The following STRIP1 variants were observed in gnomAD, a reference collection of about 807,000 sequenced individuals.
STRIP1 encodes the protein striatin interacting protein 1, also known as striatin-interacting protein 1.
In STRIP1, 63 loss-of-function variants were observed where a neutral mutation model predicts 106.2. That is an observed-to-expected ratio of 0.59 (90% confidence interval 0.48 to 0.73). The LOEUF (loss-of-function observed/expected upper bound fraction) is 0.73. Among genes scored for constraint, STRIP1 ranks in the 30% least tolerant of loss-of-function variants. The pLI, the probability that STRIP1 is intolerant of heterozygous loss-of-function variation, is 0.00. For synonymous variants in STRIP1, 390 were observed against 413.0 expected (o/e 0.94, Z 0.67); for missense variants, 857 against 1,074.8 (o/e 0.80, Z 2.83).
Position 110,054,035 on chromosome 1 carries a change from C to A in STRIP1, c.*123C>A. On this transcript the variant is annotated 3_prime_UTR_variant, in exon 21 of 21. Coordinates refer to ENST00000369795, the MANE Select transcript of STRIP1 (RefSeq NM_033088.4). ...AGGTGGCAGCACAGCCCCACTGTGT[C>A]TTCCGCAGTCTGTCCTGGGCTTGGG... The A allele has an allele frequency of 8.0e-7, 1 of 1,250,354 alleles. No individual in the cohort carries two copies. 77.5% of individuals were successfully genotyped at this position (1,250,354 alleles called of 1,614,324 possible).
chr1:110,035,878 A>G (rs559958571), intron 1 of STRIP1, among the ~76,000 whole-genome samples: 3 of 152,320 alleles, frequency 2.0e-5, no homozygotes, highest in East Asian at 3.9e-4. Context: ...CATGTCAACA[A>G]TTGGCAAGCC....
rs759371120 is a variant in STRIP1 at position 110,050,940 on chromosome 1, T to C, written c.1957-16T>C. The C allele has an allele frequency of 1.3e-6, 2 of 1,483,026 alleles. No homozygotes were observed. Among genetic ancestry groups the C allele is most frequent in the Non-Finnish European group, 1.9e-6 (2 of 1,060,598 alleles). The allele number at this position is 1,483,026 out of a possible 1,614,324, so 91.9% of individuals were successfully genotyped here. On this transcript the variant is annotated splice_polypyrimidine_tract_variant and intron_variant, in intron 18 of 20. Coordinates refer to ENST00000369795, the MANE Select transcript of STRIP1 (RefSeq NM_033088.4). ...TGCAGCCATGAGGGCTGATTGTTCC[T>C]GGGTTTACCCTGCAGGAAGCAGGTG... is the stretch of plus-strand genomic sequence containing the variant.
chr1:110,041,340 C>A lies in STRIP1; in HGVS notation c.651-196C>A, dbSNP rs183598173. 86 of 539,978 alleles carry A rather than the reference C, an allele frequency of 1.6e-4. 1 individual carries two copies. In the East Asian group the frequency reaches 2.7e-3, roughly 17 times the overall value. 33.4% of individuals were successfully genotyped at this position (539,978 alleles called of 1,614,324 possible). On this transcript the variant is annotated intron_variant, in intron 6 of 20. Coordinates refer to ENST00000369795, the MANE Select transcript of STRIP1 (RefSeq NM_033088.4). ...TGTTCTGCTTTGACCCTACAGCTCG[C>A]TACCACCTCTGTGGTTTTTTTCTTT...
In STRIP1 at chr1:110,044,922, T is replaced by A. The variant is rs1045036160; in HGVS notation, c.1352+17T>A. ...TCTAGGCAGGTGAGTAAAAGCCGAG[T>A]TCATTTTGCTGTTAGCTCTCCCGGC... is the stretch of plus-strand genomic sequence containing the variant. On this transcript the variant is annotated intron_variant, in intron 11 of 20. Transcript: ENST00000369795. 4 of 1,613,802 alleles carry A rather than the reference T, an allele frequency of 2.5e-6. No individual in the cohort carries two copies. The highest frequency in any genetic ancestry group is 1.7e-5 in the Admixed American group (1 of 59,972).
At position 110,043,681 on chromosome 1, in the gene STRIP1, G is replaced by C; in HGVS notation, c.1111G>C (p.Asp371His). 1 of 1,614,114 alleles carries C rather than the reference G, an allele frequency of 6.2e-7. No individual in the cohort carries two copies. The highest frequency in any genetic ancestry group is 8.5e-7 in the Non-Finnish European group (1 of 1,180,002). ...QDNLDAFNER[D>H]PYKADDSREE... ...CAACCTAGATGCCTTCAACGAGCGG[G>C]ATCCCTACAAGGCTGATGACTCTCG... is the stretch of plus-strand genomic sequence containing the variant. Residue 371 changes from aspartate (D) to histidine (H), a missense_variant, in exon 10 of 21, where the codon GAT (aspartate) becomes CAT (histidine). Physicochemically the swap from Asp to His is moderately conservative, Grantham distance 81. Transcript: ENST00000369795.
intron 1 of STRIP1, 128 bp from the exon 2 acceptor site, chr1:110,037,763 A>C: frequency 1.6e-6 from 1 of 635,014 alleles, no homozygotes; most frequent in Non-Finnish European, 2.8e-6. Flanking sequence ...GTTTTAGGAA[A>C]CAAAATGTGA....
chr1:110,034,163 G>C (rs1345864384), upstream of STRIP1, among the ~76,000 whole-genome samples: 3 of 152,200 alleles, frequency 2.0e-5, no homozygotes, highest in Admixed American at 6.5e-5. Flanking sequence ...TACCGTGACT[G>C]CAGACACTTG....
intron 1 of STRIP1, among the ~76,000 whole-genome samples, chr1:110,037,142 G>T (rs946626850): frequency 3.3e-5 from 5 of 152,122 alleles, no homozygotes; most frequent in Non-Finnish European, 5.9e-5. Flanking sequence ...GCCATTGTGG[G>T]TATGTTGTGT....
intron 5 of STRIP1, among the ~76,000 whole-genome samples, chr1:110,040,264 C>T (rs905760705): frequency 6.6e-6 from 1 of 152,138 alleles, no homozygotes; most frequent in Non-Finnish European, 1.5e-5. Context: ...TCATTGCAAC[C>T]TCCACCTCCC....
chr1:110,037,769 T>C, intron 1 of STRIP1, 122 bp from the exon 2 acceptor site: 2 of 660,698 alleles, frequency 3.0e-6, no homozygotes, highest in South Asian at 3.5e-5. Context: ...GGAAACAAAA[T>C]GTGAAAAAAC....
intron 15 of STRIP1, 54 bp downstream of exon 15, chr1:110,047,923 GCAAA>G: frequency 7.0e-7 from 1 of 1,425,720 alleles, no homozygotes; most frequent in Non-Finnish European, 9.7e-7. Context: ...ATGGAGAAGG[GCAAA>G]CATTTTCCTC....
At position 110,043,270 on chromosome 1, in the gene STRIP1, G is replaced by T. The variant is rs1205746094; in HGVS notation, c.1068G>T (p.Lys356Asn). The change falls in exon 9 of 21, where the codon AAG becomes AAT. Residue 356 changes from lysine to asparagine, a missense_variant and splice_region_variant. This residue lies in a region of STRIP1 where 750 missense variants were observed against 989.8 expected (regional missense o/e 0.76). Transcript: ENST00000369795. Reference sequence around the variant, plus strand: ...AGAAACGGGGCCGCCGAGAGCACAAGGTGAGGACGACAGAGGTCCCTGTGA... The same window carrying T: ...AGAAACGGGGCCGCCGAGAGCACAATGTGAGGACGACAGAGGTCCCTGTGA... Reference protein sequence around the residue: ...QQQKRGRREHKALIKQDNLDA... With the variant: ...QQQKRGRREHNALIKQDNLDA... 6.2e-7 allele frequency: 1 copy of T among 1,609,638 alleles called. No homozygotes were observed. The highest frequency in any genetic ancestry group is 8.5e-7 in the Non-Finnish European group (1 of 1,179,926).
chr1:110,042,674 CT>C (rs888374186), intron 8 of STRIP1, among the ~76,000 whole-genome samples: 1 of 152,184 alleles, frequency 6.6e-6, no homozygotes, highest in Non-Finnish European at 1.5e-5. Context: ...TTAGATGAAG[CT>C]TTTTTTCTTC....
In STRIP1 at chr1:110,047,545, G is replaced by A. The variant is rs1570925371; in HGVS notation, c.1492G>A (p.Glu498Lys). The A allele has an allele frequency of 6.2e-7, 1 of 1,610,942 alleles. No individual in the cohort carries two copies. The highest frequency in any genetic ancestry group is 8.5e-7 in the Non-Finnish European group (1 of 1,178,444). Residue 498 changes from glutamate (E) to lysine (K), a missense_variant, in exon 14 of 21, where the codon GAA (glutamate) becomes AAA (lysine). Coordinates refer to ENST00000369795, the MANE Select transcript of STRIP1 (RefSeq NM_033088.4). ...EYLRSPLSGG[E>K]EEVEQVPAET... The stretch of plus-strand genomic sequence containing the variant: ...CTTGTACTCATTATGTTAAAAGGGA[G>A]AAGAAGAAGTTGAGCAAGTCCCTGC...
At chr1:110,039,850 C>G in intron 5 of STRIP1, 2 of 1,303,550 alleles carry the variant, frequency 1.5e-6, no homozygotes, top group Non-Finnish European at 2.0e-6. Context: ...CCTGCAGTTT[C>G]CGCCTTGGCA....
chr1:110,047,806 C>T lies in STRIP1; in HGVS notation c.1598C>T (p.Pro533Leu), dbSNP rs1653100024. 6.4e-7 allele frequency: 1 copy of T among 1,570,816 alleles called. No homozygotes were observed. The highest frequency in any genetic ancestry group is 8.6e-7 in the Non-Finnish European group (1 of 1,156,696). Residue 533 changes from proline to leucine, a missense_variant, in exon 15 of 21, where the codon CCC becomes CTC. Physicochemically the swap from Pro to Leu is moderately conservative, Grantham distance 98 (BLOSUM62 -3). Transcript: ENST00000369795. ...CTGAAGATCCTGTTGGCTGCAGCAC[C>T]CACCTCAAAAGCCAAAACAGACTCA... ...ALLKILLAAA[P>L]TSKAKTDSIN... is the part of the protein sequence containing the mutation.
chr1:110,040,007 T>A, intron 5 of STRIP1: 1 of 756,066 alleles, frequency 1.3e-6, no homozygotes, highest in Non-Finnish European at 2.0e-6. Flanking sequence ...AGTGCCTGTG[T>A]GTCCCGGGCA....
chr1:110,040,585 ACTTAT>A (rs1652711554), intron 5 of STRIP1, 45 bp from the exon 6 acceptor site: 2 of 1,550,696 alleles, frequency 1.3e-6, no homozygotes, highest in South Asian at 2.4e-5. Context: ...CAGGGACATC[ACTTAT>A]CTTCCTTCTT....
Position 110,041,724 on chromosome 1 carries a change from T to C in STRIP1, c.758-10T>C, listed in dbSNP as rs1652771880. ...TTGGGAGGGTCCTGATACCTTTGTG[T>C]CACCTCCAGGCTCCCCGCTGTACAA... On this transcript the variant is annotated splice_polypyrimidine_tract_variant and intron_variant, in intron 7 of 20. Coordinates refer to ENST00000369795, the MANE Select transcript of STRIP1 (RefSeq NM_033088.4). The C allele has an allele frequency of 1.2e-6, 2 of 1,614,120 alleles. No homozygotes were observed. Among genetic ancestry groups the C allele is most frequent in the Non-Finnish European group, 1.7e-6 (2 of 1,180,024 alleles).
Sources: allele counts gnomAD v4.1 joint callset (sites outside exome capture counted in the v4.1 genomes callset), GRCh38; gene constraint gnomAD v4.1.1; regional missense constraint gnomAD v4.1.1; transcripts MANE v1.5; gene names NCBI Gene and HGNC (gene_info 2026-07-23, HGNC 2026-07-21).